Variants in CDON observed in about 807,000 individuals in gnomAD.
CDON encodes the protein cell adhesion molecule-related/down-regulated by oncogenes.
CDON carries 73 observed loss-of-function variants against 120.9 expected under a neutral mutation model. The ratio of observed to expected loss-of-function variants is 0.60; its 90% CI spans 0.50 to 0.73. The LOEUF (loss-of-function observed/expected upper bound fraction) is 0.73. Among genes scored for constraint, CDON ranks in the 30% least tolerant of loss-of-function variants. The pLI is 0.00. For synonymous variants in CDON, 566 were observed against 573.5 expected (o/e 0.99, Z 0.19); for missense variants, 1,470 against 1,587.3 (o/e 0.93, Z 1.26).
At chr11:126,007,746 G>C (rs73629834) in intron 8 of CDON, among the ~76,000 whole-genome samples, 157 of 152,250 alleles carry the variant, frequency 1.0e-3, no homozygotes, top group African/African-American at 3.5e-3. Flanking sequence ...GACCTCTCCA[G>C]AACTTTTATT....
intron 16 of CDON, 92 bp from the exon 17 acceptor site, chr11:125,981,421 C>T (rs1446433788): frequency 6.1e-5 from 58 of 954,588 alleles, no homozygotes; most frequent in Non-Finnish European, 8.2e-5. Context: ...CATGCACATA[C>T]GCACACACGC....
intron 10 of CDON, among the ~76,000 whole-genome samples, chr11:126,002,542 C>T (rs543867715): frequency 1.3e-5 from 2 of 152,284 alleles, no homozygotes; most frequent in East Asian, 1.9e-4. Context: ...TACCCACTAA[C>T]GTCTCTTTGT....
In CDON at chr11:126,015,263, A is replaced by G. The variant is rs201143928; in HGVS notation, c.1176T>C (p.Thr392=). The G allele has an allele frequency of 1.9e-6, 3 of 1,614,116 alleles. No individual in the cohort carries two copies. Among genetic ancestry groups the G allele is most frequent in the Admixed American group, 1.7e-5 (1 of 60,026 alleles). ...ADNGIGFMHS[T]GRLEIENDGG... ...TACCATTTTCAATTTCAAGTCTTCC[A>G]GTAGAGTGCATAAATCCAATCCCAT... The change falls in exon 7 of 20, where the codon ACT becomes ACC. Residue 392 remains threonine (T), a synonymous_variant. Transcript: ENST00000531738.
chr11:125,972,001 C>T (rs955054120), intron 18 of CDON, among the ~76,000 whole-genome samples: 1 of 152,228 alleles, frequency 6.6e-6, no homozygotes, highest in Admixed American at 6.5e-5. Context: ...ATCCATTTAA[C>T]TCTTGAAATG....
chr11:126,030,935 A>G (rs1252124462), intron 1 of CDON, among the ~76,000 whole-genome samples: 1 of 152,248 alleles, frequency 6.6e-6, no homozygotes, highest in African/African-American at 2.4e-5. Flanking sequence ...GTAAGTATTC[A>G]TTCAATCAAA....
intron 16 of CDON, among the ~76,000 whole-genome samples, chr11:125,982,403 T>G (rs1946338442): frequency 6.6e-6 from 1 of 152,130 alleles, no homozygotes; most frequent in Admixed American, 6.5e-5. Context: ...TGTACAGGAT[T>G]TGTTGTTGGA....
chr11:126,006,763 T>C (rs1376596598), intron 8 of CDON, among the ~76,000 whole-genome samples: 1 of 151,300 alleles, frequency 6.6e-6, no homozygotes, highest in Non-Finnish European at 1.5e-5. Context: ...ATACAGAATA[T>C]ACAGAGGAAG....
At chr11:126,045,681 A>G (rs1437820014) in intron 1 of CDON, among the ~76,000 whole-genome samples, 1 of 152,150 alleles carries the variant, frequency 6.6e-6, no homozygotes, top group East Asian at 1.9e-4. Flanking sequence ...CAAAAAAGTC[A>G]CACATTCGGC....
intron 14 of CDON, among the ~76,000 whole-genome samples, chr11:125,993,185 C>T (rs143559587): frequency 1.2e-4 from 18 of 152,292 alleles, no homozygotes; most frequent in African/African-American, 3.1e-4. Flanking sequence ...ACCTGAATAT[C>T]GTTAGAGATT....
chr11:126,040,551 C>T (rs1337629469), intron 1 of CDON, among the ~76,000 whole-genome samples: 2 of 152,178 alleles, frequency 1.3e-5, no homozygotes, highest in African/African-American at 2.4e-5. Context: ...CGCGGTGGCT[C>T]ACGCCTATAA....
chr11:126,023,108 C>A (rs2134705181), intron 2 of CDON, among the ~76,000 whole-genome samples: 1 of 151,984 alleles, frequency 6.6e-6, no homozygotes, highest in Middle Eastern at 3.4e-3. Context: ...AAATTAGTGA[C>A]ATATCCCCTT....
intron 11 of CDON, 84 bp from the exon 12 acceptor site, chr11:125,997,494 C>T: frequency 9.4e-7 from 1 of 1,062,650 alleles, no homozygotes; most frequent in Non-Finnish European, 1.4e-6. Flanking sequence ...AAGTCCCAAA[C>T]TTCATGTTAT....
intron 18 of CDON, among the ~76,000 whole-genome samples, chr11:125,975,201 TACAG>T (rs927817794): frequency 8.5e-5 from 13 of 152,368 alleles, no homozygotes; most frequent in African/African-American, 2.6e-4. Flanking sequence ...ACATAGACAT[TACAG>T]ACATAGAGAT....
At chr11:126,036,086 TA>T (rs1187654738) in intron 1 of CDON, among the ~76,000 whole-genome samples, 3 of 152,222 alleles carry the variant, frequency 2.0e-5, no homozygotes, top group East Asian at 3.9e-4. Context: ...TACATACTAC[TA>T]AAAAAACACA....
At chr11:126,062,353 C>A (rs1254062157) in intron 1 of CDON, among the ~76,000 whole-genome samples, 1 of 152,146 alleles carries the variant, frequency 6.6e-6, no homozygotes, top group African/African-American at 2.4e-5. Flanking sequence ...CCCGCCTCCT[C>A]CCGCGAGGTG....
At chr11:125,967,317 T>C (rs1021000768) in intron 18 of CDON, among the ~76,000 whole-genome samples, 9 of 152,184 alleles carry the variant, frequency 5.9e-5, no homozygotes, top group Admixed American at 1.3e-4. Flanking sequence ...TGACACACAA[T>C]AGGACCTCAA....
At chr11:125,972,699 G>C (rs903394525) in intron 18 of CDON, among the ~76,000 whole-genome samples, 4 of 152,120 alleles carry the variant, frequency 2.6e-5, no homozygotes, top group African/African-American at 9.7e-5. Flanking sequence ...TTTCTTAAAA[G>C]CTCACTCCAA....
At chr11:126,044,695 T>G (rs1948357422) in intron 1 of CDON, among the ~76,000 whole-genome samples, 1 of 152,022 alleles carries the variant, frequency 6.6e-6, no homozygotes, top group South Asian at 2.1e-4. Context: ...TTTTTTAAAA[T>G]TGAACTCAGG....
At chr11:126,042,184 A>G (rs1162377041) in intron 1 of CDON, among the ~76,000 whole-genome samples, 1 of 151,864 alleles carries the variant, frequency 6.6e-6, no homozygotes, top group African/African-American at 2.4e-5. Context: ...AAGCCCGGCC[A>G]ATTTGCTGAT....
Sources: gnomAD v4.1 joint callset for allele counts (sites outside exome capture counted in the v4.1 genomes callset) on GRCh38, gnomAD v4.1.1 for gene constraint, MANE v1.5 for transcripts, NCBI Gene and HGNC (gene_info 2026-07-23, HGNC 2026-07-21) for gene names.